Variants in FMO1 observed in about 807,000 individuals in gnomAD.
FMO1 encodes the protein flavin-containing monooxygenase 1.
FMO1 carries 36 observed loss-of-function variants against 45.4 expected under a neutral mutation model. That is an observed-to-expected ratio of 0.79 (90% CI 0.61 to 1.05). The LOEUF (loss-of-function observed/expected upper bound fraction) is 1.05. Ranked by LOEUF, FMO1 falls within the 50% of genes least tolerant of loss-of-function variation. The pLI is 0.00. For synonymous variants in FMO1, 228 were observed against 227.2 expected (o/e 1.00, Z -0.03); for missense variants, 615 against 640.3 (o/e 0.96, Z 0.43).
chr1:171,257,697 C>G, intron 1 of FMO1: 1 of 251,600 alleles, frequency 4.0e-6, no homozygotes, highest in Non-Finnish European at 7.8e-6. Flanking sequence ...GAGATTGTGT[C>G]TGACAAGGTG....
At chr1:171,270,612 T>C in intron 3 of FMO1, 1 of 991,294 alleles carries the variant, frequency 1.0e-6, no homozygotes, top group Non-Finnish European at 1.2e-6. Context: ...AATTATTTCC[T>C]ATAAGCTGCA....
intron 2 of FMO1, among the ~76,000 whole-genome samples, chr1:171,266,606 A>G (rs1660628224): frequency 6.6e-6 from 1 of 152,224 alleles, no homozygotes; most frequent in African/African-American, 2.4e-5. Flanking sequence ...CAGATACAGG[A>G]ATCTATATAT....
intron 1 of FMO1, 125 bp from the exon 2 acceptor site, chr1:171,257,957 C>T (rs1213045827): frequency 1.0e-5 from 11 of 1,072,216 alleles, no homozygotes; most frequent in Middle Eastern, 3.0e-4. Flanking sequence ...ACCAGAGACC[C>T]GCTACAGAAG....
At chr1:171,259,827 T>A (rs1660305777) in intron 2 of FMO1, among the ~76,000 whole-genome samples, 1 of 152,034 alleles carries the variant, frequency 6.6e-6, no homozygotes, top group Non-Finnish European at 1.5e-5. Flanking sequence ...TGCAGGTAGG[T>A]CAAACACCAG....
intron 3 of FMO1, among the ~76,000 whole-genome samples, chr1:171,274,677 AAGAT>A (rs1661029321): frequency 6.6e-6 from 1 of 152,346 alleles, no homozygotes; most frequent in African/African-American, 2.4e-5. Flanking sequence ...AAAAGAAAGA[AAGAT>A]AGCAAGCCAC....
intron 3 of FMO1, chr1:171,270,663 A>G: frequency 9.9e-7 from 1 of 1,012,988 alleles, no homozygotes; most frequent in African/African-American, 1.7e-5. Context: ...ATCCCCATAT[A>G]TAACTAATTT....
At chr1:171,273,589 C>T (rs1170045281) in intron 3 of FMO1, among the ~76,000 whole-genome samples, 1 of 152,158 alleles carries the variant, frequency 6.6e-6, no homozygotes, top group African/African-American at 2.4e-5. Context: ...CTCACTGCAG[C>T]CTCCACCTCC....
intron 2 of FMO1, among the ~76,000 whole-genome samples, chr1:171,260,089 G>C (rs893258374): frequency 6.6e-6 from 1 of 152,182 alleles, no homozygotes; most frequent in Non-Finnish European, 1.5e-5. Context: ...GGAGGGTAGG[G>C]ACAGTAAAGA....
chr1:171,267,778 A>G (rs1660678835), intron 3 of FMO1, 47 bp downstream of exon 3: 2 of 1,436,940 alleles, frequency 1.4e-6, no homozygotes, highest in Non-Finnish European at 1.9e-6. Context: ...TTTCCTACCT[A>G]TTTTCTCTTA....
Position 171,284,281 on chromosome 1 carries a change from C to T in FMO1, c.1257-921C>T, listed in dbSNP as rs748052698. 3.3e-5 allele frequency among the ~76,000 whole-genome samples: 5 copies of T among 151,854 alleles called. No individual in the cohort carries two copies. In the South Asian group the frequency reaches 1.0e-3, roughly 32 times the overall value. Reference sequence around the variant, plus strand: ...TCCCAAACTTCAAGGGTTGATCTATCCTTGTCAAGGTACCAAATTCCAAAA... The same window carrying T: ...TCCCAAACTTCAAGGGTTGATCTATTCTTGTCAAGGTACCAAATTCCAAAA... On this transcript the variant is annotated intron_variant, in intron 8 of 8. Transcript: ENST00000617670.
chr1:171,271,094 C>A (rs1161970215), intron 3 of FMO1: 1 of 908,036 alleles, frequency 1.1e-6, no homozygotes, highest in East Asian at 2.5e-5. Flanking sequence ...TCAGGCTTCC[C>A]TTTAGCTCAA....
intron 8 of FMO1, among the ~76,000 whole-genome samples, chr1:171,284,928 TA>T (rs1007259758): frequency 6.6e-6 from 1 of 152,128 alleles, no homozygotes; most frequent in Non-Finnish European, 1.5e-5. Context: ...TATTTTCCTC[TA>T]GAAATTGCTA....
chr1:171,282,603 A>AT (rs1318154870), intron 7 of FMO1: 1 of 319,018 alleles, frequency 3.1e-6, no homozygotes, highest in Non-Finnish European at 5.7e-6. Context: ...CAACTGTGAT[A>AT]TTTTTTCTTT....
chr1:171,282,646 G>C (rs28360425), intron 7 of FMO1: 3 of 260,214 alleles, frequency 1.2e-5, no homozygotes, highest in South Asian at 7.4e-5. Context: ...TCACTATCTC[G>C]TCCAGACTAG....
chr1:171,276,305 GGATAAAGCATATCCT>G (rs1464388295), intron 4 of FMO1, among the ~76,000 whole-genome samples: 1 of 152,178 alleles, frequency 6.6e-6, no homozygotes, highest in Non-Finnish European at 1.5e-5. Context: ...GGTTAGATTA[GGATAAAGCATATCCT>G]GAAAATTGCC....
At chr1:171,260,668 C>T (rs550331408) in intron 2 of FMO1, among the ~76,000 whole-genome samples, 4 of 151,904 alleles carry the variant, frequency 2.6e-5, no homozygotes, top group Non-Finnish European at 5.9e-5. Flanking sequence ...CGGTGGCTCA[C>T]GCCTGTAATC....
intron 5 of FMO1, among the ~76,000 whole-genome samples, chr1:171,280,377 T>G (rs1661300369): frequency 6.6e-6 from 1 of 152,238 alleles, no homozygotes; most frequent in South Asian, 2.1e-4. Context: ...TGAATTTTGC[T>G]GTCATTTAAG....
chr1:171,263,637 CT>C (rs1278555774), intron 2 of FMO1, among the ~76,000 whole-genome samples: 2 of 152,182 alleles, frequency 1.3e-5, no homozygotes, highest in Non-Finnish European at 2.9e-5. Context: ...CCCTCCTCTC[CT>C]TTTTTCTCTA....
chr1:171,271,712 G>A (rs560435867), intron 3 of FMO1: 49 of 553,392 alleles, frequency 8.9e-5, no homozygotes, highest in African/African-American at 8.8e-4. Context: ...CAATGAGACT[G>A]GAGATTTATG....
Sources: allele counts gnomAD v4.1 joint callset (sites outside exome capture counted in the v4.1 genomes callset), GRCh38; gene constraint gnomAD v4.1.1; transcripts MANE v1.5; gene names NCBI Gene and HGNC (gene_info 2026-07-23, HGNC 2026-07-21).